Variants in DOCK8 observed in about 807,000 individuals in gnomAD.
The protein encoded by DOCK8 is dedicator of cytokinesis 8.
Under a neutral mutation model 245.6 loss-of-function variants are expected in DOCK8, and 141 were observed. The ratio of observed to expected loss-of-function variants is 0.57; its 90% confidence interval spans 0.50 to 0.66. The LOEUF is 0.66. Ranked by LOEUF, DOCK8 falls within the 30% of genes least tolerant of loss-of-function variation. The probability of loss-of-function intolerance (pLI) is 0.00; values close to 1 mark genes in which losing one functional copy is unlikely to be tolerated. For synonymous variants in DOCK8, 1,168 were observed against 970.2 expected, an observed-to-expected ratio of 1.20 and a Z score of -3.79; for missense variants, 2,965 against 2,603.4, an observed-to-expected ratio of 1.14 and a Z score of -3.02.
At chr9:317,518 T>C (rs539238522) in intron 7 of DOCK8, among the ~76,000 whole-genome samples, 2 of 152,306 alleles carry the variant, frequency 1.3e-5, no homozygotes, top group East Asian at 1.9e-4. Flanking sequence ...TAACTTTAAA[T>C]TGGCCATGGC....
intron 1 of DOCK8, among the ~76,000 whole-genome samples, chr9:234,595 G>T (rs183845711): frequency 3.9e-4 from 59 of 152,170 alleles, no homozygotes; most frequent in African/African-American, 1.3e-3. Flanking sequence ...TTTGTTTGTT[G>T]CTTTTTATTC....
At chr9:270,669 G>T (rs749150127) in intron 1 of DOCK8, among the ~76,000 whole-genome samples, 1 of 152,166 alleles carries the variant, frequency 6.6e-6, no homozygotes, top group Non-Finnish European at 1.5e-5. Context: ...TACATCTAAA[G>T]TTACAATGTT....
chr9:220,673 G>C, intron 1 of DOCK8: 1 of 374,430 alleles, frequency 2.7e-6, no homozygotes, highest in Non-Finnish European at 5.1e-6. Flanking sequence ...AAAGCAACAG[G>C]AATGTGCTAC....
intron 4 of DOCK8, among the ~76,000 whole-genome samples, chr9:303,998 T>C (rs1283970840): frequency 6.6e-6 from 1 of 152,210 alleles, no homozygotes; most frequent in Non-Finnish European, 1.5e-5. Context: ...TCTCATTTCT[T>C]CAGTGACAGG....
At chr9:454,515 G>C (rs997352526) in intron 46 of DOCK8, 1 of 151,696 alleles carries the variant, frequency 6.6e-6, no homozygotes, top group Non-Finnish European at 1.5e-5. Flanking sequence ...ACCACTGAGT[G>C]GACCAGCAGG....
At chr9:398,568 C>T (rs1042767102) in intron 25 of DOCK8, among the ~76,000 whole-genome samples, 20 of 152,030 alleles carry the variant, frequency 1.3e-4, no homozygotes, top group East Asian at 3.9e-4. Flanking sequence ...TAAAAATAGG[C>T]GTAGCTTATT....
At chr9:393,383 A>G (rs1473868533) in intron 24 of DOCK8, among the ~76,000 whole-genome samples, 3 of 152,198 alleles carry the variant, frequency 2.0e-5, no homozygotes, top group Non-Finnish European at 4.4e-5. Flanking sequence ...GCATCTTACT[A>G]TATATGTGCC....
chr9:327,044 C>T (rs535542932), intron 8 of DOCK8, among the ~76,000 whole-genome samples: 1 of 152,316 alleles, frequency 6.6e-6, no homozygotes, highest in South Asian at 2.1e-4. Flanking sequence ...AAGATTCATT[C>T]CCTACAACCA....
At chr9:309,341 A>G (rs1025709154) in intron 5 of DOCK8, among the ~76,000 whole-genome samples, 1 of 152,190 alleles carries the variant, frequency 6.6e-6, no homozygotes, top group African/African-American at 2.4e-5. Context: ...AAAATTTATG[A>G]TCTAGTAGAG....
At chr9:428,165 G>A (rs1289191715) in intron 34 of DOCK8, among the ~76,000 whole-genome samples, 197 bp from the exon 35 acceptor site, 1 of 152,202 alleles carries the variant, frequency 6.6e-6, no homozygotes, top group Non-Finnish European at 1.5e-5. Flanking sequence ...CAAACTCATT[G>A]GAAGCATTGA....
intron 22 of DOCK8, among the ~76,000 whole-genome samples, chr9:385,757 T>C (rs1404350037): frequency 6.6e-6 from 1 of 152,240 alleles, no homozygotes; most frequent in Non-Finnish European, 1.5e-5. Flanking sequence ...TACCACTTTC[T>C]GATCACCCAG....
intron 14 of DOCK8, among the ~76,000 whole-genome samples, chr9:363,230 A>C (rs1348070229): frequency 6.6e-6 from 1 of 152,228 alleles, no homozygotes; most frequent in African/African-American, 2.4e-5. Context: ...ATAAGATTAT[A>C]CTAAATGCCT....
At chr9:276,292 T>C (rs1054113106) in intron 2 of DOCK8, among the ~76,000 whole-genome samples, 1 of 152,204 alleles carries the variant, frequency 6.6e-6, no homozygotes, top group Non-Finnish European at 1.5e-5. Flanking sequence ...TCAGAAGGTG[T>C]AGTAAGCAAA....
rs180693890 is a variant in DOCK8 at position 319,329 on chromosome 9, T to C, written c.827+2201T>C. 5.9e-5 allele frequency among the ~76,000 whole-genome samples: 9 copies of C among 152,276 alleles called. No homozygotes were observed. In the South Asian group the frequency reaches 1.9e-3, roughly 32 times the overall value. On this transcript the variant is annotated intron_variant, in intron 7 of 47. Coordinates refer to ENST00000432829, the MANE Select transcript of DOCK8 (RefSeq NM_203447.4). ...CACTTGAATATCTCTTAATGAAAAT[T>C]GTAAAGTGCAGTTTCTAGTGATGTC...
At chr9:377,793 C>G (rs764452028) in intron 20 of DOCK8, among the ~76,000 whole-genome samples, 2 of 152,204 alleles carry the variant, frequency 1.3e-5, no homozygotes, top group Non-Finnish European at 2.9e-5. Context: ...CATCCGTTCT[C>G]TCTTACAGTC....
chr9:241,257 A>G (rs559152382), intron 1 of DOCK8, among the ~76,000 whole-genome samples: 3 of 152,254 alleles, frequency 2.0e-5, no homozygotes, highest in African/African-American at 7.2e-5. Flanking sequence ...CCCTTTAAGT[A>G]TTTGAAACGA....
intron 26 of DOCK8, among the ~76,000 whole-genome samples, chr9:403,914 A>ACGTG: frequency 1.2e-5 from 1 of 82,866 alleles, no homozygotes; most frequent in African/African-American, 7.6e-5. Flanking sequence ...ATATATATAT[A>ACGTG]TACATATATA....
In DOCK8 at chr9:429,771, T is replaced by G; in HGVS notation, c.4543T>G (p.Cys1515Gly). 1 of 1,614,186 alleles carries G rather than the reference T, an allele frequency of 6.2e-7. No homozygotes were observed. Among genetic ancestry groups the G allele is most frequent in the Non-Finnish European group, 8.5e-7 (1 of 1,180,036 alleles). Residue 1515 changes from cysteine (C) to glycine (G), a missense_variant, in exon 36 of 48, where the codon TGC becomes GGC. By Grantham distance (159) the Cys-to-Gly change is radical. This residue lies in a region of DOCK8 where 2,825 missense variants were observed against 2,453.5 expected (regional missense o/e 1.15). Coordinates refer to ENST00000432829, the MANE Select transcript of DOCK8 (RefSeq NM_203447.4). ...FDLCHQVLHH[C>G]SSSMDVTRSQ... Reference sequence around the variant, plus strand: ...CCTATGTCACCAAGTCCTGCACCACTGCAGCAGCAGCATGGATGTCACCCG... The same window carrying G: ...CCTATGTCACCAAGTCCTGCACCACGGCAGCAGCAGCATGGATGTCACCCG...
At chr9:398,742 A>G (rs978354610) in intron 25 of DOCK8, among the ~76,000 whole-genome samples, 1 of 152,138 alleles carries the variant, frequency 6.6e-6, no homozygotes, top group Non-Finnish European at 1.5e-5. Context: ...ATCCTTAAAA[A>G]TTAAGAAACT....
Sources: allele counts gnomAD v4.1 joint callset (sites outside exome capture counted in the v4.1 genomes callset), GRCh38; gene constraint gnomAD v4.1.1; regional missense constraint gnomAD v4.1.1; transcripts MANE v1.5; gene names NCBI Gene and HGNC (gene_info 2026-07-23, HGNC 2026-07-21).